SLC25A48: variants seen among roughly 807,000 people sequenced by gnomAD.
The protein encoded by SLC25A48 is solute carrier family 25 member 48.
A neutral mutation model predicts 32.2 loss-of-function variants in SLC25A48; 29 were observed. The observed-to-expected ratio is 0.90, with a 90% CI of 0.67 to 1.23. SLC25A48 has a LOEUF of 1.23. SLC25A48 is among the 50% of genes most tolerant of loss of function. The probability of loss-of-function intolerance (pLI) is 0.00; values close to 1 mark genes in which losing one functional copy is unlikely to be tolerated. For missense variants in SLC25A48, 399 were observed against 422.7 expected (o/e 0.94, Z 0.49); for synonymous variants, 164 against 172.3 (o/e 0.95, Z 0.38).
intron 3 of SLC25A48, among the ~76,000 whole-genome samples, chr5:135,776,430 G>T (rs1460431556): frequency 1.3e-5 from 2 of 151,752 alleles, no homozygotes; most frequent in Non-Finnish European, 2.9e-5. Context: ...AATATAAAAG[G>T]CGGGAGAGGA....
At chr5:135,694,963 G>T (rs1338621408) in intron 3 of SLC25A48, among the ~76,000 whole-genome samples, 1 of 152,180 alleles carries the variant, frequency 6.6e-6, no homozygotes. Flanking sequence ...TCCTCACTGA[G>T]AAAACATACA....
chr5:135,671,066 T>G lies in SLC25A48; in HGVS notation c.-521+36110T>G, dbSNP rs544930593. Among the ~76,000 whole-genome samples the G allele has an allele frequency of 1.2e-3, 176 of 152,260 alleles. 1 individual carries two copies. The highest frequency in any genetic ancestry group is 4.0e-3 in the African/African-American group (168 of 41,554). Reference sequence around the variant, plus strand: ...GGACGAATGGCTTGGGGGTCAGTGTTGGGATACATGAAGTGGGTGCCCAGG... The same window carrying G: ...GGACGAATGGCTTGGGGGTCAGTGTGGGGATACATGAAGTGGGTGCCCAGG... On this transcript the variant is annotated intron_variant, in intron 3 of 10. Coordinates refer to the SLC25A48 transcript ENST00000646290.
At chr5:135,607,259 A>G (rs2126888008) in intron 1 of SLC25A48, among the ~76,000 whole-genome samples, 1 of 152,368 alleles carries the variant, frequency 6.6e-6, no homozygotes, top group Non-Finnish European at 1.5e-5. Context: ...AAAATAGTGG[A>G]CATCAAAGGT....
chr5:135,878,426 T>A (rs995210060), intron 6 of SLC25A48, among the ~76,000 whole-genome samples: 7 of 152,184 alleles, frequency 4.6e-5, no homozygotes, highest in African/African-American at 7.2e-5. Context: ...TCCAGAAAGG[T>A]TAGACATTAG....
chr5:135,864,793 T>C (rs1191588865), intron 4 of SLC25A48, among the ~76,000 whole-genome samples: 2 of 152,246 alleles, frequency 1.3e-5, no homozygotes, highest in Non-Finnish European at 2.9e-5. Context: ...ATTACGTACA[T>C]TGGTGACACA....
At chr5:135,795,260 C>T (rs913566264) in intron 3 of SLC25A48, among the ~76,000 whole-genome samples, 2 of 151,836 alleles carry the variant, frequency 1.3e-5, no homozygotes, top group Admixed American at 1.3e-4. Flanking sequence ...AGGTGTACAC[C>T]CCACCTTGTG....
chr5:135,617,442 C>G (rs759495167), intron 1 of SLC25A48, among the ~76,000 whole-genome samples: 2 of 150,814 alleles, frequency 1.3e-5, no homozygotes, highest in Non-Finnish European at 3.0e-5. Context: ...ATTTTTTAGT[C>G]TCTATTTTGT....
chr5:135,877,240 C>T (rs190853372), intron 6 of SLC25A48, among the ~76,000 whole-genome samples: 2 of 152,200 alleles, frequency 1.3e-5, no homozygotes, highest in African/African-American at 4.8e-5. Context: ...CTACATGGAC[C>T]ATAGCTCTGA....
chr5:135,678,974 C>G (rs977022455), intron 3 of SLC25A48, among the ~76,000 whole-genome samples: 5 of 152,120 alleles, frequency 3.3e-5, no homozygotes, highest in African/African-American at 1.2e-4. Context: ...TACACTAGCA[C>G]CGGTGTCCAT....
At chr5:135,600,532 T>G (rs1751770414) in intron 1 of SLC25A48, among the ~76,000 whole-genome samples, 1 of 152,146 alleles carries the variant, frequency 6.6e-6, no homozygotes, top group Non-Finnish European at 1.5e-5. Flanking sequence ...CTCCTACCCT[T>G]TTGTAGTGTT....
At position 135,611,539 on chromosome 5, in the gene SLC25A48, GAAAAGAAAA is replaced by G. The variant is rs1177504139; in HGVS notation, c.-848-17684_-848-17676del. The stretch of plus-strand genomic sequence containing the variant: ...AAAAAAAAAAAAAAGAAAAAGAAAA[GAAAAGAAAA>G]AAAAGAAAAAAAAATAAGCTGGGTA... On this transcript the variant is annotated intron_variant, in intron 1 of 10. Transcript: ENST00000646290. Among the ~76,000 whole-genome samples the G allele has an allele frequency of 5.6e-3, 468 of 83,182 alleles. 3 individuals are homozygous for G. Among genetic ancestry groups the G allele is most frequent in the African/African-American group, 0.02 (444 of 21,822 alleles). The allele number at this position is 83,182 out of a possible 152,430, so 54.6% of individuals were successfully genotyped here.
chr5:135,858,650 A>T (rs1012202976), intron 4 of SLC25A48, among the ~76,000 whole-genome samples: 3 of 152,222 alleles, frequency 2.0e-5, no homozygotes, highest in Non-Finnish European at 2.9e-5. Context: ...ATTCAGAGGC[A>T]CTGATGCTTT....
At chr5:135,649,247 G>GGAAA (rs1753044934) in intron 3 of SLC25A48, 1 of 152,166 alleles carries the variant, frequency 6.6e-6, no homozygotes, top group Non-Finnish European at 1.5e-5. Context: ...TTATTTTAGG[G>GGAAA]TGGAAAAGAG....
intron 4 of SLC25A48, among the ~76,000 whole-genome samples, chr5:135,858,363 A>G (rs1337770982): frequency 6.6e-6 from 1 of 152,204 alleles, no homozygotes; most frequent in Non-Finnish European, 1.5e-5. Context: ...CACCAAGTGC[A>G]TGGAGGGAGA....
intron 1 of SLC25A48, among the ~76,000 whole-genome samples, chr5:135,839,183 T>C (rs147581430): frequency 6.9e-4 from 105 of 152,348 alleles, no homozygotes; most frequent in African/African-American, 2.5e-3. Context: ...AGATGAGCTA[T>C]GTTGATAGCA....
intron 3 of SLC25A48, among the ~76,000 whole-genome samples, chr5:135,642,242 T>G (rs1207969764): frequency 2.6e-5 from 4 of 152,242 alleles, no homozygotes; most frequent in Non-Finnish European, 4.4e-5. Flanking sequence ...GAGGGAGGCT[T>G]CTCTGATGGT....
At chr5:135,659,353 C>G (rs965579747) in intron 3 of SLC25A48, among the ~76,000 whole-genome samples, 32 of 152,280 alleles carry the variant, frequency 2.1e-4, no homozygotes, top group African/African-American at 7.5e-4. Flanking sequence ...CAAGAGGGAC[C>G]TTTACTCCAG....
At chr5:135,700,851 C>T (rs890110391) in intron 3 of SLC25A48, among the ~76,000 whole-genome samples, 7 of 152,196 alleles carry the variant, frequency 4.6e-5, no homozygotes, top group South Asian at 2.1e-4. Context: ...GCACGTGCTC[C>T]GAGGCCTGCC....
Position 135,816,305 on chromosome 5 carries a change from T to C in SLC25A48, c.-117+3379T>C, listed in dbSNP as rs761254524. Among the ~76,000 whole-genome samples the C allele has an allele frequency of 4.1e-4, 62 of 152,222 alleles. 1 individual carries two copies. Among genetic ancestry groups the C allele is most frequent in the Non-Finnish European group, 5.9e-5 (4 of 68,040 alleles). On this transcript the variant is annotated intron_variant, in intron 4 of 10. Coordinates refer to the SLC25A48 transcript ENST00000646290. ...TGGTAACTATATTTTTTCTAACATATATTACATAAAATATATTACATTAAT... is the reference window on the plus strand; with the variant it reads ...TGGTAACTATATTTTTTCTAACATACATTACATAAAATATATTACATTAAT...
Sources: allele counts gnomAD v4.1 joint callset (sites outside exome capture counted in the v4.1 genomes callset), GRCh38; gene constraint gnomAD v4.1.1; transcripts MANE v1.5; gene names NCBI Gene and HGNC (gene_info 2026-07-23, HGNC 2026-07-21).